The following NRXN1 variants were observed in gnomAD, a reference collection of about 807,000 sequenced individuals.
NRXN1 encodes neurexin-1.
Under a neutral mutation model 150.9 loss-of-function variants are expected in NRXN1, and 39 were observed. The observed-to-expected ratio is 0.26, with a 90% CI of 0.20 to 0.34. The LOEUF is 0.34. Among genes scored for constraint, NRXN1 ranks in the 10% least tolerant of loss-of-function variants. The pLI, the probability that NRXN1 is intolerant of heterozygous loss-of-function variation, is 1.00. For missense variants in NRXN1, 1,815 were observed against 1,949.9 expected (o/e 0.93, Z 1.30); for synonymous variants, 924 against 757.0 (o/e 1.22, Z -3.62).
intron 21 of NRXN1, among the ~76,000 whole-genome samples, chr2:49,954,708 T>C (rs181545527): frequency 6.6e-6 from 1 of 152,196 alleles, no homozygotes; most frequent in Non-Finnish European, 1.5e-5. Flanking sequence ...TCTATACGGA[T>C]TAATAATATG....
intron 19 of NRXN1, among the ~76,000 whole-genome samples, chr2:50,079,081 CT>C (rs1263268142): frequency 6.6e-6 from 1 of 151,966 alleles, no homozygotes; most frequent in Admixed American, 6.6e-5. Flanking sequence ...ATTTATCTAT[CT>C]GTATATCTTT....
chr2:50,089,330 C>A (rs1173081006), intron 19 of NRXN1, among the ~76,000 whole-genome samples: 1 of 152,214 alleles, frequency 6.6e-6, no homozygotes, highest in East Asian at 1.9e-4. Context: ...CAGCTGACAA[C>A]ATCCCATGAG....
chr2:50,055,731 G>C (rs1030734736), intron 19 of NRXN1, among the ~76,000 whole-genome samples: 5 of 152,124 alleles, frequency 3.3e-5, no homozygotes, highest in African/African-American at 4.8e-5. Flanking sequence ...GTGTCCTTGA[G>C]TTTCATTTAA....
At chr2:51,016,720 G>C (rs939910857) in intron 2 of NRXN1, among the ~76,000 whole-genome samples, 1 of 152,130 alleles carries the variant, frequency 6.6e-6, no homozygotes, top group Admixed American at 6.5e-5. Context: ...TCTAGAAACA[G>C]AGGTACCATT....
intron 5 of NRXN1, among the ~76,000 whole-genome samples, chr2:50,810,587 A>G (rs776707144): frequency 7.9e-5 from 12 of 152,202 alleles, no homozygotes; most frequent in South Asian, 2.1e-4. Context: ...AGTTCCACAC[A>G]TATATTCAAC....
At chr2:50,616,132 A>G (rs1306185574) in intron 8 of NRXN1, 1 of 152,064 alleles carries the variant, frequency 6.6e-6, no homozygotes, top group African/African-American at 2.4e-5. Context: ...CAATGAGTAC[A>G]GATATTTTCC....
At chr2:50,966,581 T>A (rs1694128230) in intron 2 of NRXN1, among the ~76,000 whole-genome samples, 1 of 151,798 alleles carries the variant, frequency 6.6e-6, no homozygotes, top group South Asian at 2.1e-4. Flanking sequence ...CTACACTACC[T>A]ATTATATTAC....
chr2:50,782,842 G>T (rs750146730), intron 5 of NRXN1, among the ~76,000 whole-genome samples: 5 of 152,134 alleles, frequency 3.3e-5, no homozygotes, highest in East Asian at 1.9e-4. Flanking sequence ...TGAAGAAAAG[G>T]TGGTGAACAA....
intron 17 of NRXN1, among the ~76,000 whole-genome samples, chr2:50,457,519 G>T (rs564342487): frequency 5.9e-5 from 9 of 151,996 alleles, no homozygotes; most frequent in Non-Finnish European, 1.2e-4. Context: ...AAAGGGAAGA[G>T]ACAATCTAAA....
intron 8 of NRXN1, chr2:50,616,075 TTTTC>T (rs1399099156): frequency 6.6e-6 from 1 of 152,174 alleles, no homozygotes; most frequent in African/African-American, 2.4e-5. Context: ...TATTTATAAT[TTTTC>T]TTTAACTCTT....
intron 17 of NRXN1, among the ~76,000 whole-genome samples, chr2:50,318,370 A>T (rs1160604601): frequency 6.6e-6 from 1 of 152,094 alleles, no homozygotes; most frequent in African/African-American, 2.4e-5. Flanking sequence ...ATGGTAAGTA[A>T]TTTTACTAGG....
chr2:50,002,031 A>C (rs955716714), intron 21 of NRXN1, among the ~76,000 whole-genome samples: 2 of 151,892 alleles, frequency 1.3e-5, no homozygotes, highest in African/African-American at 4.8e-5. Flanking sequence ...TCCAACCAGA[A>C]AGAATTAAGT....
chr2:50,082,117 TA>T (rs1698061604), intron 19 of NRXN1, among the ~76,000 whole-genome samples: 1 of 152,206 alleles, frequency 6.6e-6, no homozygotes, highest in African/African-American at 2.4e-5. Context: ...CCTCATTTCC[TA>T]AAAGCTAGAT....
intron 17 of NRXN1, among the ~76,000 whole-genome samples, chr2:50,453,809 A>T (rs1238991766): frequency 6.6e-6 from 1 of 152,190 alleles, no homozygotes; most frequent in African/African-American, 2.4e-5. Flanking sequence ...CTACTGTAAG[A>T]GAAATGGGAT....
intron 19 of NRXN1, among the ~76,000 whole-genome samples, chr2:50,064,212 A>C (rs114131800): frequency 0.012 from 1,820 of 151,722 alleles, 46 homozygotes; most frequent in African/African-American, 0.042. Flanking sequence ...ATGTGTCTCT[A>C]TATATAATAT....
At chr2:50,578,594 C>T (rs1671782381) in intron 8 of NRXN1, among the ~76,000 whole-genome samples, 1 of 152,104 alleles carries the variant, frequency 6.6e-6, no homozygotes, top group East Asian at 1.9e-4. Flanking sequence ...CTTTTATACT[C>T]ATGTGAATGT....
chr2:50,453,483 C>G (rs114742656), intron 17 of NRXN1, among the ~76,000 whole-genome samples: 1,716 of 152,220 alleles, frequency 0.011, 35 homozygotes, highest in African/African-American at 0.039. Context: ...TCAACTCCTC[C>G]AACAACCAAT....
At chr2:50,926,120 G>C (rs1213185833) in intron 2 of NRXN1, among the ~76,000 whole-genome samples, 165 bp from the exon 3 acceptor site, 1 of 151,824 alleles carries the variant, frequency 6.6e-6, no homozygotes, top group African/African-American at 2.4e-5. Flanking sequence ...CAGGGAAGCA[G>C]GTTCCCTCCC....
At chr2:50,849,030 C>G (rs1323083117) in intron 5 of NRXN1, among the ~76,000 whole-genome samples, 2 of 152,220 alleles carry the variant, frequency 1.3e-5, no homozygotes, top group African/African-American at 4.8e-5. Context: ...AAATGTCTGT[C>G]TGTCTTTTTT....
Sources: allele counts gnomAD v4.1 joint callset (sites outside exome capture counted in the v4.1 genomes callset), GRCh38; gene constraint gnomAD v4.1.1; transcripts MANE v1.5; gene names NCBI Gene and HGNC (gene_info 2026-07-23, HGNC 2026-07-21).